Variants in MSRA observed in about 807,000 individuals in gnomAD.
The protein encoded by MSRA is mitochondrial peptide methionine sulfoxide reductase.
In MSRA, 54 loss-of-function variants were observed where a neutral mutation model predicts 31.3. The ratio of observed to expected loss-of-function variants is 1.73; its 90% CI spans 1.39 to 2.17. MSRA has a LOEUF of 2.17. Among genes scored for constraint, MSRA ranks in the 30% most tolerant of loss-of-function variants. The pLI, the probability that MSRA is intolerant of heterozygous loss-of-function variation, is 0.00. For missense variants in MSRA, 507 were observed against 300.9 expected, an observed-to-expected ratio of 1.69 and a Z score of -5.07; for synonymous variants, 169 against 116.5, an observed-to-expected ratio of 1.45 and a Z score of -2.90.
intron 5 of MSRA, among the ~76,000 whole-genome samples, chr8:10,423,219 C>G (rs1192324510): frequency 2.0e-5 from 3 of 152,206 alleles, no homozygotes; most frequent in Non-Finnish European, 2.9e-5. Context: ...GCTCTCCTGA[C>G]AGTTCTCTCC....
intron 1 of MSRA, chr8:10,095,825 C>G (rs189641763): frequency 2.4e-6 from 3 of 1,243,710 alleles, no homozygotes; most frequent in Admixed American, 4.1e-5. Flanking sequence ...AAGCCTTTTT[C>G]AAAACGAAGC....
intron 1 of MSRA, among the ~76,000 whole-genome samples, chr8:10,186,315 C>T (rs1268816888): frequency 2.0e-5 from 3 of 152,130 alleles, no homozygotes; most frequent in Non-Finnish European, 2.9e-5. Context: ...CCATACGGTT[C>T]CTGTCACGAT....
rs373202512 is a variant in MSRA, at chr8:10,311,159, A to G, written c.437-8724A>G. Among the ~76,000 whole-genome samples the G allele has an allele frequency of 7.4e-4, 113 of 152,318 alleles. 1 individual carries two copies. The highest frequency in any genetic ancestry group is 2.6e-3 in the African/African-American group (110 of 41,574). ...GCAGGAACTAGGATTTCTAGGTTCC[A>G]GGAATGGCAGGCTGAGTTATTCAGA... On this transcript the variant is annotated intron_variant, in intron 4 of 5. Coordinates refer to ENST00000317173, the MANE Select transcript of MSRA (RefSeq NM_012331.5).
intron 1 of MSRA, among the ~76,000 whole-genome samples, chr8:10,084,163 T>G (rs781635459): frequency 6.6e-6 from 1 of 152,256 alleles, no homozygotes; most frequent in Non-Finnish European, 1.5e-5. Flanking sequence ...CTCCGACTTG[T>G]CCACGCTTCC....
At chr8:10,272,010 G>T (rs1030781690) in intron 3 of MSRA, among the ~76,000 whole-genome samples, 1 of 152,062 alleles carries the variant, frequency 6.6e-6, no homozygotes, top group Non-Finnish European at 1.5e-5. Flanking sequence ...GCCCGGCCAG[G>T]TACTCTTTTT....
chr8:10,297,897 G>T (rs926431048), intron 3 of MSRA, among the ~76,000 whole-genome samples: 3 of 152,180 alleles, frequency 2.0e-5, no homozygotes, highest in Non-Finnish European at 4.4e-5. Flanking sequence ...ATTCTTGACA[G>T]CCTCGTGTCA....
chr8:10,125,636 C>T lies in MSRA; in HGVS notation c.142+70978C>T, dbSNP rs148481860. 3.9e-4 allele frequency among the ~76,000 whole-genome samples: 60 copies of T among 152,294 alleles called. 1 individual carries two copies. In the East Asian group the frequency reaches 5.4e-3, roughly 14 times the overall value. On this transcript the variant is annotated intron_variant, in intron 1 of 5. Transcript: ENST00000317173. ...AGGTATAGCGGGAACCACTGAGCAGCGCTGATGACAGAGATGTTCTGTGTT... is the reference window on the plus strand; with the variant it reads ...AGGTATAGCGGGAACCACTGAGCAGTGCTGATGACAGAGATGTTCTGTGTT...
At chr8:10,288,119 T>G (rs1359315413) in intron 3 of MSRA, among the ~76,000 whole-genome samples, 2 of 152,208 alleles carry the variant, frequency 1.3e-5, no homozygotes, top group Non-Finnish European at 2.9e-5. Flanking sequence ...TATAGTTGGT[T>G]TGGTCACCAT....
intron 1 of MSRA, among the ~76,000 whole-genome samples, chr8:10,203,080 G>GA (rs1739720591): frequency 6.6e-6 from 1 of 152,058 alleles, no homozygotes; most frequent in Admixed American, 6.6e-5. Context: ...CACGTTTTAA[G>GA]AACCTGTTAT....
rs1194731510 is a variant in MSRA, at chr8:10,113,289, CTTCTT to C, written c.142+58634_142+58638del. Among the ~76,000 whole-genome samples the C allele has an allele frequency of 2.4e-4, 12 of 50,906 alleles. 1 individual carries two copies. Among genetic ancestry groups the C allele is most frequent in the Non-Finnish European group, 3.5e-4 (11 of 31,492 alleles). The allele number at this position is 50,906 out of a possible 152,430, so 33.4% of individuals were successfully genotyped here. On this transcript the variant is annotated intron_variant, in intron 1 of 5. Coordinates refer to ENST00000317173, the MANE Select transcript of MSRA (RefSeq NM_012331.5). ...AGGCATGGCTTTGGTGAAGACAGGT[CTTCTT>C]TTTTTTTTTTTTTTTTTTTTGGAGG... is the stretch of plus-strand genomic sequence containing the variant.
intron 3 of MSRA, among the ~76,000 whole-genome samples, chr8:10,256,392 C>G (rs1299435034): frequency 2.0e-5 from 3 of 152,170 alleles, no homozygotes; most frequent in African/African-American, 7.2e-5. Flanking sequence ...TCTTGGATGT[C>G]TCCAAGTTTT....
chr8:10,181,639 A>G (rs919234047), intron 1 of MSRA, among the ~76,000 whole-genome samples: 12 of 152,178 alleles, frequency 7.9e-5, no homozygotes, highest in Non-Finnish European at 1.6e-4. Flanking sequence ...ATGGGTGGAG[A>G]GGAGCCCAGA....
At chr8:10,197,645 G>A (rs1016808820) in intron 1 of MSRA, among the ~76,000 whole-genome samples, 1 of 152,134 alleles carries the variant, frequency 6.6e-6, no homozygotes. Context: ...AGGCCTTGGT[G>A]GGGCAGATAT....
chr8:10,332,390 T>G (rs1407571064), intron 5 of MSRA, among the ~76,000 whole-genome samples: 1 of 151,958 alleles, frequency 6.6e-6, no homozygotes, highest in Non-Finnish European at 1.5e-5. Context: ...AAGTTATGAT[T>G]TAAAATGCCC....
At chr8:10,353,073 C>T (rs1430770675) in intron 5 of MSRA, among the ~76,000 whole-genome samples, 3 of 152,068 alleles carry the variant, frequency 2.0e-5, no homozygotes, top group Admixed American at 6.5e-5. Context: ...GAGAGCATTC[C>T]AGTCCCTTTC....
chr8:10,079,173 T>A lies in MSRA; in HGVS notation c.142+24515T>A, dbSNP rs1391058094. Among the ~76,000 whole-genome samples, 3 of 152,090 alleles carry A rather than the reference T, an allele frequency of 2.0e-5. No individual in the cohort carries two copies. The East Asian group carries it at 5.8e-4, about 29-fold the overall frequency. On this transcript the variant is annotated intron_variant, in intron 1 of 5. Coordinates refer to ENST00000317173, the MANE Select transcript of MSRA (RefSeq NM_012331.5). ...ATATGATGTGGTACTTTTTTCTTTT[T>A]TTTTAGGCAGGGTCTCACTTTGTGG...
intron 1 of MSRA, among the ~76,000 whole-genome samples, chr8:10,056,954 C>G (rs542129270): frequency 1.3e-5 from 2 of 152,142 alleles, no homozygotes; most frequent in Non-Finnish European, 2.9e-5. Context: ...CAGGTGTGTA[C>G]CATTACCAAA....
intron 1 of MSRA, among the ~76,000 whole-genome samples, chr8:10,080,481 C>T (rs1437353312): frequency 1.3e-5 from 2 of 152,030 alleles, no homozygotes; most frequent in Non-Finnish European, 2.9e-5. Context: ...GGGCCTTGTG[C>T]TTTGTGGACT....
chr8:10,370,583 C>T (rs945265311), intron 5 of MSRA, among the ~76,000 whole-genome samples: 5 of 152,162 alleles, frequency 3.3e-5, no homozygotes, highest in Admixed American at 6.5e-5. Context: ...ACTGTGAGTA[C>T]GGGGAGCAAA....
Sources: allele counts gnomAD v4.1 joint callset (sites outside exome capture counted in the v4.1 genomes callset), GRCh38; gene constraint gnomAD v4.1.1; transcripts MANE v1.5; gene names NCBI Gene and HGNC (gene_info 2026-07-23, HGNC 2026-07-21).